The following EXOC4 variants were observed in gnomAD, a reference collection of about 807,000 sequenced individuals.
The protein encoded by EXOC4 is exocyst complex component 4.
EXOC4 carries 71 observed loss-of-function variants against 107.2 expected under a neutral mutation model. The observed-to-expected ratio is 0.66, with a 90% CI of 0.55 to 0.81. The LOEUF (loss-of-function observed/expected upper bound fraction) is 0.81. Among genes scored for constraint, EXOC4 ranks in the 30% least tolerant of loss-of-function variants. EXOC4 has a pLI of 0.00. For missense variants in EXOC4, 1,108 were observed against 1,189.6 expected, an observed-to-expected ratio of 0.93 and a Z score of 1.01; for synonymous variants, 456 against 441.2, an observed-to-expected ratio of 1.03 and a Z score of -0.42.
chr7:133,641,171 C>A (rs1038070269), intron 10 of EXOC4, among the ~76,000 whole-genome samples: 1 of 152,068 alleles, frequency 6.6e-6, no homozygotes, highest in African/African-American at 2.4e-5. Context: ...ATTGAGAGAC[C>A]CTAACATAGT....
intron 10 of EXOC4, among the ~76,000 whole-genome samples, chr7:133,631,680 CTG>C (rs1802594362): frequency 6.6e-6 from 1 of 151,892 alleles, no homozygotes; most frequent in Non-Finnish European, 1.5e-5. Context: ...AACTATTTCT[CTG>C]TAGGTTTAGT....
intron 7 of EXOC4, among the ~76,000 whole-genome samples, chr7:133,429,129 G>T (rs1296441753): frequency 6.6e-6 from 1 of 152,072 alleles, no homozygotes; most frequent in East Asian, 1.9e-4. Context: ...AAGTAGTGAG[G>T]ATATTGATTT....
At chr7:133,469,756 T>C (rs926359749) in intron 7 of EXOC4, among the ~76,000 whole-genome samples, 4 of 152,222 alleles carry the variant, frequency 2.6e-5, no homozygotes, top group Non-Finnish European at 5.9e-5. Flanking sequence ...ATTTAAAGTT[T>C]GCAGTGTTCA....
intron 14 of EXOC4, among the ~76,000 whole-genome samples, chr7:133,956,500 G>A (rs1032243709): frequency 2.6e-5 from 4 of 152,124 alleles, no homozygotes; most frequent in Non-Finnish European, 4.4e-5. Flanking sequence ...GATACTTCTC[G>A]CAATTCAGTG....
intron 7 of EXOC4, among the ~76,000 whole-genome samples, chr7:133,456,954 GA>G (rs1363827751): frequency 6.6e-6 from 1 of 152,162 alleles, no homozygotes; most frequent in Non-Finnish European, 1.5e-5. Flanking sequence ...TAGTTCAATG[GA>G]ATGGAAGACC....
At chr7:133,416,423 A>G (rs1797475995) in intron 7 of EXOC4, among the ~76,000 whole-genome samples, 1 of 152,200 alleles carries the variant, frequency 6.6e-6, no homozygotes, top group Admixed American at 6.5e-5. Flanking sequence ...TGTAATTTGC[A>G]TATAGGGTTG....
At chr7:133,267,307 A>C (rs900922628) in intron 1 of EXOC4, among the ~76,000 whole-genome samples, 3 of 152,292 alleles carry the variant, frequency 2.0e-5, no homozygotes, top group African/African-American at 7.2e-5. Context: ...TCTGGCTCCC[A>C]GTTTTCTCCT....
At chr7:133,608,854 G>A (rs1229405004) in intron 9 of EXOC4, among the ~76,000 whole-genome samples, 1 of 151,904 alleles carries the variant, frequency 6.6e-6, no homozygotes, top group Non-Finnish European at 1.5e-5. Context: ...ACCTTAACCG[G>A]TGTATTTCTG....
At chr7:134,059,407 C>CT (rs1254442079) in intron 17 of EXOC4, among the ~76,000 whole-genome samples, 1 of 152,032 alleles carries the variant, frequency 6.6e-6, no homozygotes, top group African/African-American at 2.4e-5. Context: ...CACTAATACT[C>CT]AAAGATAAAA....
At chr7:133,815,398 CA>C (rs1159248071) in intron 10 of EXOC4, among the ~76,000 whole-genome samples, 3 of 142,004 alleles carry the variant, frequency 2.1e-5, no homozygotes, top group African/African-American at 7.7e-5. Flanking sequence ...AAGACAAAAA[CA>C]AAAAACTCTA....
In EXOC4 at chr7:133,374,981, G is replaced by A. The variant is rs1428744156; in HGVS notation, c.1161G>A (p.Val387=). 1 of 1,613,688 alleles carries A rather than the reference G, an allele frequency of 6.2e-7. No homozygotes were observed. The highest frequency in any genetic ancestry group is 1.3e-5 in the African/African-American group (1 of 75,040). The change falls in exon 7 of 18, where the codon GTG becomes GTA. Residue 387 remains valine (V), a synonymous_variant. Coordinates refer to ENST00000253861, the MANE Select transcript of EXOC4 (RefSeq NM_021807.4). ...IKLYDMADVW[V]KIQDVLQMLL... ...TGTATGATATGGCAGATGTATGGGT[G>A]AAGATCCAAGATGTTCTACAGGTAA...
At chr7:133,709,694 C>T (rs900997755) in intron 10 of EXOC4, among the ~76,000 whole-genome samples, 10 of 135,724 alleles carry the variant, frequency 7.4e-5, no homozygotes, top group Admixed American at 5.5e-4. Flanking sequence ...TCAGTGTCGT[C>T]GTGAAGACTC....
At chr7:133,373,348 A>T (rs900705037) in intron 6 of EXOC4, among the ~76,000 whole-genome samples, 3 of 152,222 alleles carry the variant, frequency 2.0e-5, no homozygotes, top group Non-Finnish European at 4.4e-5. Context: ...TCATCAATCA[A>T]AAGGTAGAAT....
chr7:133,306,136 G>T, intron 4 of EXOC4, 75 bp downstream of exon 4: 1 of 1,275,446 alleles, frequency 7.8e-7, no homozygotes, highest in Non-Finnish European at 1.1e-6. Context: ...TTCCCAGAAT[G>T]TTGTTGTAAT....
chr7:134,085,604 C>T, the EXOC4 span, among the ~76,000 whole-genome samples: 51 of 152,316 alleles, frequency 3.3e-4, 1 homozygote, highest in East Asian at 9.1e-3. Context: ...AAAAGCACAT[C>T]TCCTTAGAAT....
At chr7:133,322,662 G>C (rs997944547) in intron 5 of EXOC4, among the ~76,000 whole-genome samples, 50 of 152,152 alleles carry the variant, frequency 3.3e-4, no homozygotes, top group African/African-American at 1.2e-3. Flanking sequence ...GATGCCTCCA[G>C]CTTTGTTCTG....
chr7:133,655,436 C>T (rs551958438), intron 10 of EXOC4, among the ~76,000 whole-genome samples: 1 of 152,108 alleles, frequency 6.6e-6, no homozygotes, highest in Non-Finnish European at 1.5e-5. Context: ...GAACATATTC[C>T]TCTTAACTTT....
chr7:133,988,880 A>G (rs764284760), intron 14 of EXOC4, among the ~76,000 whole-genome samples: 12 of 152,208 alleles, frequency 7.9e-5, no homozygotes, highest in Non-Finnish European at 5.9e-5. Context: ...AAGCTTTGCT[A>G]AGGAGCTTAG....
intron 11 of EXOC4, among the ~76,000 whole-genome samples, chr7:133,889,291 G>C (rs1217257927): frequency 2.6e-5 from 4 of 151,578 alleles, no homozygotes; most frequent in Non-Finnish European, 4.4e-5. Context: ...TGTCCTTCCA[G>C]AGAAAAAACT....
Sources: gnomAD v4.1 joint callset for allele counts (sites outside exome capture counted in the v4.1 genomes callset) on GRCh38, gnomAD v4.1.1 for gene constraint, MANE v1.5 for transcripts, NCBI Gene and HGNC (gene_info 2026-07-23, HGNC 2026-07-21) for gene names.